Variants in FAM117A observed in about 807,000 individuals in gnomAD.
The protein encoded by FAM117A is family with sequence similarity 117 member A.
Under a neutral mutation model 44.1 loss-of-function variants are expected in FAM117A, and 21 were observed. The ratio of observed to expected loss-of-function variants is 0.48; its 90% CI spans 0.34 to 0.69. The LOEUF (loss-of-function observed/expected upper bound fraction) is 0.69, where lower values mean the gene tolerates loss of function less well. Ranked by LOEUF, FAM117A falls within the 30% of genes least tolerant of loss-of-function variation. The pLI is 0.01. For synonymous variants in FAM117A, 220 were observed against 238.3 expected (o/e 0.92, Z 0.71); for missense variants, 498 against 589.9 (o/e 0.84, Z 1.61).
chr17:49,787,773 TC>T (rs1433043690), intron 1 of FAM117A, among the ~76,000 whole-genome samples: 2 of 152,196 alleles, frequency 1.3e-5, no homozygotes, highest in Non-Finnish European at 2.9e-5. Context: ...AACTTCTCCT[TC>T]CTAGGCCCTC....
intron 1 of FAM117A, among the ~76,000 whole-genome samples, chr17:49,735,466 T>C (rs1278118956): frequency 2.0e-5 from 3 of 152,220 alleles, no homozygotes; most frequent in African/African-American, 7.2e-5. Context: ...TTGCCATAGT[T>C]GTAATCAGTA....
At chr17:49,782,141 C>T (rs957789021) in intron 1 of FAM117A, among the ~76,000 whole-genome samples, 12 of 151,738 alleles carry the variant, frequency 7.9e-5, no homozygotes, top group African/African-American at 2.4e-4. Flanking sequence ...TTTGGGAGGC[C>T]GAGGTGGGCG....
chr17:49,764,045 C>A lies in FAM117A; in HGVS notation c.43G>T (p.Gly15Trp). 8.2e-7 allele frequency: 1 copy of A among 1,224,522 alleles called. No individual in the cohort carries two copies. Among genetic ancestry groups the A allele is most frequent in the Non-Finnish European group, 1.0e-6 (1 of 980,890 alleles). 75.9% of individuals were successfully genotyped at this position (1,224,522 alleles called of 1,614,324 possible). Residue 15 changes from glycine (G) to tryptophan (W), a missense_variant, in exon 1 of 8, where the codon GGG becomes TGG. Coordinates refer to ENST00000240364, the MANE Select transcript of FAM117A (RefSeq NM_030802.4). The stretch of plus-strand genomic sequence containing the variant: ...CCCCCGGCCCCTCCGCGCCCCGGCC[C>A]CCAGGCACCTCCGCCTCTGCCGCCC... The part of the protein sequence containing the change: ...AAGGRGGGAW[G>W]PGRGGAGGLR...
chr17:49,717,739 T>C (rs1279497279), intron 5 of FAM117A, 25 bp from the exon 6 acceptor site: 3 of 1,563,258 alleles, frequency 1.9e-6, no homozygotes, highest in African/African-American at 2.7e-5. Context: ...CGGTAAAGAC[T>C]GTCAGCCCTG....
At chr17:49,783,359 G>C (rs1232489441) in intron 1 of FAM117A, among the ~76,000 whole-genome samples, 1 of 152,210 alleles carries the variant, frequency 6.6e-6, no homozygotes, top group Non-Finnish European at 1.5e-5. Flanking sequence ...GGGGGGAGAT[G>C]AAGGGCAGAG....
At chr17:49,764,359 G>A (rs1346012884), upstream of FAM117A, among the ~76,000 whole-genome samples, 2 of 152,168 alleles carry the variant, frequency 1.3e-5, no homozygotes, top group East Asian at 3.9e-4. Flanking sequence ...AGGGGCTGCT[G>A]ATTGGCCTGT....
intron 1 of FAM117A, among the ~76,000 whole-genome samples, chr17:49,737,089 C>T (rs540910725): frequency 7.7e-4 from 117 of 152,300 alleles, no homozygotes; most frequent in Non-Finnish European, 1.5e-3. Context: ...GTAAAGATCC[C>T]ATAGCTGCTT....
chr17:49,769,556 C>T (rs570576450), intron 1 of FAM117A, among the ~76,000 whole-genome samples: 6 of 150,560 alleles, frequency 4.0e-5, no homozygotes, highest in East Asian at 2.0e-4. Flanking sequence ...AAAAATTAGC[C>T]GGGCATGGTG....
intron 1 of FAM117A, among the ~76,000 whole-genome samples, chr17:49,771,529 C>T (rs1224290381): frequency 1.3e-5 from 2 of 151,958 alleles, no homozygotes; most frequent in African/African-American, 2.4e-5. Flanking sequence ...TATAAGCTTC[C>T]TAAGGAGAGC....
In FAM117A at chr17:49,719,654, G is replaced by A. The variant is rs1004565383; in HGVS notation, c.708+106C>T. 7 of 1,335,690 alleles carry A rather than the reference G, an allele frequency of 5.2e-6. No individual in the cohort carries two copies. The South Asian group carries it at 6.4e-5, about 12-fold the overall frequency. The allele number at this position is 1,335,690 out of a possible 1,614,324, so 82.7% of individuals were successfully genotyped here. The stretch of plus-strand genomic sequence containing the variant: ...CTGGTGTTTGTATGCTGCTGTTTGC[G>A]TAGCCATAGCCTGTGAGGCCCCAGA... On this transcript the variant is annotated intron_variant, in intron 5 of 7. Transcript: ENST00000240364.
intron 2 of FAM117A, among the ~76,000 whole-genome samples, chr17:49,722,890 G>A (rs554675498): frequency 1.5e-3 from 235 of 152,226 alleles, no homozygotes; most frequent in Non-Finnish European, 2.6e-3. Flanking sequence ...ATCCTCAGTG[G>A]TGAGGACAAG....
chr17:49,716,041 C>G (rs771582564), intron 7 of FAM117A, 124 bp downstream of exon 7: 16 of 1,040,320 alleles, frequency 1.5e-5, no homozygotes, highest in Non-Finnish European at 2.2e-5. Context: ...TCATGGAAAG[C>G]TGGCAATACT....
Position 49,717,147 on chromosome 17 carries a change from A to G in FAM117A, c.910+366T>C, listed in dbSNP as rs2073508300. Among the ~76,000 whole-genome samples the G allele has an allele frequency of 2.6e-5, 4 of 152,110 alleles. 1 individual carries two copies. In the South Asian group the frequency reaches 8.3e-4, roughly 32 times the overall value. On this transcript the variant is annotated intron_variant, in intron 6 of 7. Transcript: ENST00000240364. ...CAACCACATTCTCTTACTTTGTATC[A>G]CTCACAACCACTTTGAAACCATTGT...
rs1388732685 is a variant in FAM117A at position 49,784,736 on chromosome 17, A to G, written c.-621+3761T>C. On this transcript the variant is annotated intron_variant, in intron 1 of 7. Transcript: ENST00000513602. ...AACACTCTACCTCCTCCTCTGTAGC[A>G]CTTCTGAACCTTGCTTATCTCCCTA... Among the ~76,000 whole-genome samples the G allele has an allele frequency of 2.0e-5, 3 of 152,220 alleles. No homozygotes were observed. In the East Asian group the frequency reaches 5.8e-4, roughly 29 times the overall value.
At chr17:49,720,557 G>T in intron 3 of FAM117A, 121 bp from the exon 4 acceptor site, 1 of 704,536 alleles carries the variant, frequency 1.4e-6, no homozygotes, top group Non-Finnish European at 2.4e-6. Context: ...GAGGATGGAA[G>T]TTAATCTTCC....
intron 1 of FAM117A, among the ~76,000 whole-genome samples, chr17:49,734,485 G>A (rs1362321117): frequency 2.6e-5 from 4 of 151,848 alleles, no homozygotes; most frequent in Non-Finnish European, 2.9e-5. Flanking sequence ...CCAGCTACTC[G>A]GGAGGCTGAG....
At chr17:49,771,962 C>T (rs1292414885) in intron 1 of FAM117A, among the ~76,000 whole-genome samples, 6 of 152,180 alleles carry the variant, frequency 3.9e-5, no homozygotes, top group Admixed American at 1.3e-4. Context: ...CTCCCACTCC[C>T]TTCCCTTCAC....
At chr17:49,732,484 A>T in intron 2 of FAM117A, 67 bp downstream of exon 2, 1 of 1,471,746 alleles carries the variant, frequency 6.8e-7, no homozygotes, top group South Asian at 1.2e-5. Context: ...GGAAGACCAA[A>T]GGCCTCCTCA....
chr17:49,724,832 A>C (rs1231349608), intron 2 of FAM117A, among the ~76,000 whole-genome samples: 5 of 151,550 alleles, frequency 3.3e-5, no homozygotes, highest in Non-Finnish European at 5.9e-5. Context: ...GAAAAAAAAA[A>C]AAAAAAAGAA....
Sources: gnomAD v4.1 joint callset for allele counts (sites outside exome capture counted in the v4.1 genomes callset) on GRCh38, gnomAD v4.1.1 for gene constraint, MANE v1.5 for transcripts, NCBI Gene and HGNC (gene_info 2026-07-23, HGNC 2026-07-21) for gene names.